The following MEF2D variants were observed in gnomAD, a reference collection of about 807,000 sequenced individuals.
MEF2D encodes the protein myocyte-specific enhancer factor 2D.
In MEF2D, 10 loss-of-function variants were observed where a neutral mutation model predicts 59.3. That is an observed-to-expected ratio of 0.17 (90% CI 0.10 to 0.29). MEF2D has a LOEUF of 0.29. Ranked by LOEUF, MEF2D falls within the 10% of genes least tolerant of loss-of-function variation. The pLI is 1.00. For synonymous variants in MEF2D, 305 were observed against 295.0 expected (o/e 1.03, Z -0.35); for missense variants, 508 against 699.4 (o/e 0.73, Z 3.09).
Position 156,464,270 on chromosome 1 carries a change from A to G in MEF2D, c.*3375T>C, listed in dbSNP as rs960673260. 2.0e-5 allele frequency: 3 copies of G among 152,478 alleles called. No individual in the cohort carries two copies. Among genetic ancestry groups the G allele is most frequent in the Admixed American group, 6.5e-5 (1 of 15,274 alleles). 9.4% of individuals were successfully genotyped at this position (152,478 alleles called of 1,614,324 possible). A position where few individuals can be genotyped will look rare whatever the true frequency, so the allele number is the denominator to read the frequency against. On this transcript the variant is annotated 3_prime_UTR_variant, in exon 12 of 12. Transcript: ENST00000348159. ...CAGTTAAAAATATATAGAGATATAG[A>G]TATTTCTAGATACACTTTTACATTT...
chr1:156,477,213 G>A lies in MEF2D; in HGVS notation c.665-11C>T. ...TGACGTAGCCATTCCCTGGAGAAGTGACAACAAGAGGGTAAAAGGAAAAAC... is the reference window on the plus strand; with the variant it reads ...TGACGTAGCCATTCCCTGGAGAAGTAACAACAAGAGGGTAAAAGGAAAAAC... On this transcript the variant is annotated splice_polypyrimidine_tract_variant and intron_variant, in intron 6 of 11. Transcript: ENST00000348159. 6.3e-7 allele frequency: 1 copy of A among 1,580,666 alleles called. No individual in the cohort carries two copies. Among genetic ancestry groups the A allele is most frequent in the Non-Finnish European group, 8.6e-7 (1 of 1,162,460 alleles).
chr1:156,484,337 T>A (rs1672209840), intron 1 of MEF2D: 1 of 152,264 alleles, frequency 6.6e-6, no homozygotes, highest in Admixed American at 6.5e-5. Flanking sequence ...CCATACAGTC[T>A]CTGTTGTAAC....
At chr1:156,467,855 G>T in intron 11 of MEF2D, 138 bp downstream of exon 11, 1 of 1,194,564 alleles carries the variant, frequency 8.4e-7, no homozygotes. Context: ...GGGTGTTGGT[G>T]CTGCCCTAGA....
At position 156,479,665 on chromosome 1, in the gene MEF2D, C is replaced by A; in HGVS notation, c.528G>T (p.Pro176=). 1 of 1,551,972 alleles carries A rather than the reference C, an allele frequency of 6.4e-7. No individual in the cohort carries two copies. Among genetic ancestry groups the A allele is most frequent in the African/African-American group, 1.4e-5 (1 of 73,198 alleles). Residue 176 remains proline, a synonymous_variant, in exon 5 of 12, where the codon CCG becomes CCT. Transcript: ENST00000348159. ...PSLVTSSLTD[P]RLLSPQQPAL... ...CTGGCTGCTGGGGGGACAGGAGCCG[C>A]GGGTCCGTGAGGGATGATGTCACCA...
At chr1:156,470,688 GTTAC>G (rs1671182731) in intron 9 of MEF2D, among the ~76,000 whole-genome samples, 1 of 152,184 alleles carries the variant, frequency 6.6e-6, no homozygotes, top group South Asian at 2.1e-4. Flanking sequence ...CCTTGGGTAA[GTTAC>G]TTACTCTGCC....
chr1:156,491,963 A>G (rs562725171), intron 1 of MEF2D, among the ~76,000 whole-genome samples: 2 of 152,196 alleles, frequency 1.3e-5, no homozygotes, highest in Non-Finnish European at 2.9e-5. Flanking sequence ...TTGGATTTAT[A>G]GTAACTCCCA....
intron 1 of MEF2D, among the ~76,000 whole-genome samples, chr1:156,493,800 C>A (rs927237338): frequency 6.6e-5 from 10 of 152,108 alleles, no homozygotes; most frequent in Admixed American, 5.9e-4. Flanking sequence ...ACTCTTGACT[C>A]CCCTGCTACA....
intron 9 of MEF2D, among the ~76,000 whole-genome samples, chr1:156,469,783 G>C (rs1671112651): frequency 6.6e-6 from 1 of 152,064 alleles, no homozygotes; most frequent in Non-Finnish European, 1.5e-5. Context: ...TTATTCAGGG[G>C]GCTGAGGCAG....
chr1:156,479,972 G>A (rs1671886199), intron 4 of MEF2D, among the ~76,000 whole-genome samples, 176 bp from the exon 5 acceptor site: 1 of 152,150 alleles, frequency 6.6e-6, no homozygotes, highest in Non-Finnish European at 1.5e-5. Flanking sequence ...GTCCCACCAA[G>A]GAAGAACTTT....
chr1:156,491,047 C>G (rs1672755338), intron 1 of MEF2D, among the ~76,000 whole-genome samples: 1 of 152,216 alleles, frequency 6.6e-6, no homozygotes, highest in Non-Finnish European at 1.5e-5. Flanking sequence ...CCCCACAAAA[C>G]AAGCTCCTAG....
Position 156,469,024 on chromosome 1 carries a change from C to A in MEF2D, c.1007-4G>T. The A allele has an allele frequency of 6.3e-7, 1 of 1,589,312 alleles. No homozygotes were observed. Among genetic ancestry groups the A allele is most frequent in the Non-Finnish European group, 8.6e-7 (1 of 1,160,912 alleles). On this transcript the variant is annotated splice_region_variant and splice_polypyrimidine_tract_variant and intron_variant, in intron 9 of 11. Transcript: ENST00000348159. ...TCTGCACTGGTCAACTGGTAATCTGCATGGAGGAAAAGTGAGGATGAACCT... is the reference window on the plus strand; with the variant it reads ...TCTGCACTGGTCAACTGGTAATCTGAATGGAGGAAAAGTGAGGATGAACCT...
At chr1:156,478,720 G>A (rs1450405634) in intron 6 of MEF2D, among the ~76,000 whole-genome samples, 3 of 151,656 alleles carry the variant, frequency 2.0e-5, no homozygotes, top group Admixed American at 1.3e-4. Flanking sequence ...AGTAGAGATG[G>A]GGTTTCTCCA....
chr1:156,494,079 T>G (rs1672983494), intron 1 of MEF2D, among the ~76,000 whole-genome samples: 1 of 152,100 alleles, frequency 6.6e-6, no homozygotes, highest in African/African-American at 2.4e-5. Flanking sequence ...AAACCCACTT[T>G]CAGATCATCC....
At chr1:156,481,731 G>A (rs999199114) in intron 3 of MEF2D, among the ~76,000 whole-genome samples, 3 of 152,218 alleles carry the variant, frequency 2.0e-5, no homozygotes, top group Non-Finnish European at 4.4e-5. Flanking sequence ...TAGGCCTGTG[G>A]CTTCCCGGGC....
At position 156,499,684 on chromosome 1, in the gene MEF2D, T is replaced by C. The variant is rs141844510; in HGVS notation, c.-139+802A>G. Reference sequence around the variant, plus strand: ...GCTCGCAGCCCAGCTCCGCCTGCCATAGGTGGAAAGGACTAGAGAACTCTT... The same window carrying C: ...GCTCGCAGCCCAGCTCCGCCTGCCACAGGTGGAAAGGACTAGAGAACTCTT... On this transcript the variant is annotated intron_variant, in intron 1 of 11. Coordinates refer to ENST00000348159, the MANE Select transcript of MEF2D (RefSeq NM_005920.4). 7 of 150,982 alleles carry C rather than the reference T, an allele frequency of 4.6e-5. No individual in the cohort carries two copies. In the East Asian group the frequency reaches 1.4e-3, roughly 30 times the overall value. 9.4% of individuals were successfully genotyped at this position (150,982 alleles called of 1,614,324 possible). A position where few individuals can be genotyped will look rare whatever the true frequency, so the allele number is the denominator to read the frequency against.
At chr1:156,467,938 G>A (rs1333044233) in intron 11 of MEF2D, 55 bp downstream of exon 11, 3 of 1,557,760 alleles carry the variant, frequency 1.9e-6, no homozygotes, top group South Asian at 1.2e-5. Flanking sequence ...GGGCACGCGG[G>A]GCAGTCCCTG....
intron 7 of MEF2D, 59 bp downstream of exon 7, chr1:156,476,953 T>C: frequency 6.3e-7 from 1 of 1,595,690 alleles, no homozygotes; most frequent in Non-Finnish European, 8.6e-7. Context: ...GTCTGCTCTT[T>C]CCCCTGTCCC....
chr1:156,468,616 AAG>A lies in MEF2D; in HGVS notation c.1247+162_1247+163del, dbSNP rs1184827503. Among the ~76,000 whole-genome samples the A allele has an allele frequency of 6.6e-6, 1 of 152,046 alleles. No homozygotes were observed. Among genetic ancestry groups the A allele is most frequent in the Non-Finnish European group, 1.5e-5 (1 of 68,000 alleles). On this transcript the variant is annotated intron_variant, in intron 10 of 11. Coordinates refer to ENST00000348159, the MANE Select transcript of MEF2D (RefSeq NM_005920.4). This position sits in a 1 kb window ranked among gnomAD's most constrained non-coding sequence, Gnocchi z 4.3. ...CAGGGTGAGCCTCTTGGGTCTGTACAAGAGAGCCCAGGGGTGCCACTGTTGCC... is the reference window on the plus strand; with the variant it reads ...CAGGGTGAGCCTCTTGGGTCTGTACAAGAGCCCAGGGGTGCCACTGTTGCC...
rs772203036 is a variant in MEF2D at position 156,469,026 on chromosome 1, T to C, written c.1007-6A>G. 3.1e-6 allele frequency: 5 copies of C among 1,588,774 alleles called. No individual in the cohort carries two copies. The highest frequency in any genetic ancestry group is 3.4e-5 in the Admixed American group (2 of 59,388). On this transcript the variant is annotated splice_region_variant and splice_polypyrimidine_tract_variant and intron_variant, in intron 9 of 11. Coordinates refer to ENST00000348159, the MANE Select transcript of MEF2D (RefSeq NM_005920.4). ...TGCACTGGTCAACTGGTAATCTGCA[T>C]GGAGGAAAAGTGAGGATGAACCTGG...
Sources: allele counts gnomAD v4.1 joint callset (sites outside exome capture counted in the v4.1 genomes callset), GRCh38; gene constraint gnomAD v4.1.1; non-coding constraint Gnocchi (gnomAD v3.1); transcripts MANE v1.5; gene names NCBI Gene and HGNC (gene_info 2026-07-23, HGNC 2026-07-21).